Variants in TBC1D22A observed in about 807,000 individuals in gnomAD.
TBC1D22A encodes putative GTPase activator.
TBC1D22A carries 38 observed loss-of-function variants against 60.2 expected under a neutral mutation model. That is an observed-to-expected ratio of 0.63 (90% CI 0.49 to 0.83). The LOEUF is 0.83. Ranked by LOEUF, TBC1D22A falls within the 40% of genes least tolerant of loss-of-function variation. TBC1D22A has a pLI of 0.00. For missense variants in TBC1D22A, 628 were observed against 701.0 expected (o/e 0.90, Z 1.18); for synonymous variants, 302 against 281.7 (o/e 1.07, Z -0.72).
At chr22:47,165,442 C>T (rs943818231) in intron 12 of TBC1D22A, among the ~76,000 whole-genome samples, 21 of 152,258 alleles carry the variant, frequency 1.4e-4, no homozygotes, top group East Asian at 5.8e-4. Context: ...TGGCTCCCCT[C>T]GCCATCGCCA....
intron 11 of TBC1D22A, among the ~76,000 whole-genome samples, chr22:47,081,893 C>T (rs1409018025): frequency 6.6e-6 from 1 of 152,224 alleles, no homozygotes; most frequent in African/African-American, 2.4e-5. Context: ...CATGGTCGCT[C>T]ATGCTTGTAA....
chr22:47,074,820 G>C (rs1010789068), intron 11 of TBC1D22A, among the ~76,000 whole-genome samples: 1 of 152,202 alleles, frequency 6.6e-6, no homozygotes. Flanking sequence ...CCGCAGCCTG[G>C]CTGCGAGGGT....
At chr22:46,798,467 C>T (rs965347274) in intron 4 of TBC1D22A, among the ~76,000 whole-genome samples, 1 of 152,250 alleles carries the variant, frequency 6.6e-6, no homozygotes, top group Non-Finnish European at 1.5e-5. Context: ...TGTGACTCTT[C>T]CTGCGCGAGT....
chr22:46,997,507 A>G (rs534008344), intron 9 of TBC1D22A, 127 bp from the exon 10 acceptor site: 1 of 718,276 alleles, frequency 1.4e-6, no homozygotes, highest in Non-Finnish European at 2.4e-6. Context: ...GTTTCTCGAG[A>G]TAAAATCTCT....
intron 4 of TBC1D22A, among the ~76,000 whole-genome samples, chr22:46,839,928 G>A (rs558245925): frequency 1.3e-5 from 2 of 152,266 alleles, no homozygotes; most frequent in Admixed American, 1.3e-4. Flanking sequence ...TTAACTCACG[G>A]CATATACAAA....
intron 11 of TBC1D22A, among the ~76,000 whole-genome samples, chr22:47,062,086 T>C (rs74372235): frequency 4.4e-5 from 1 of 22,964 alleles, no homozygotes; most frequent in South Asian, 2.2e-3. Flanking sequence ...AGACTCCATC[T>C]CAAAAAAAAA....
At chr22:47,065,623 A>C (rs2063731166) in intron 11 of TBC1D22A, among the ~76,000 whole-genome samples, 2 of 152,272 alleles carry the variant, frequency 1.3e-5, no homozygotes, top group Admixed American at 6.5e-5. Context: ...ACGAGGACTT[A>C]GCAGGCCTCG....
At chr22:46,949,921 G>C (rs1447878362) in intron 8 of TBC1D22A, among the ~76,000 whole-genome samples, 1 of 152,234 alleles carries the variant, frequency 6.6e-6, no homozygotes, top group Non-Finnish European at 1.5e-5. Flanking sequence ...AGCAGCCTGA[G>C]CAGGGGAGGG....
Position 47,069,278 on chromosome 22 carries a change from T to C in TBC1D22A, c.1329+32080T>C, listed in dbSNP as rs1330899888. On this transcript the variant is annotated intron_variant, in intron 11 of 12. Transcript: ENST00000337137. Reference sequence around the variant, plus strand: ...AGCAAAGAATCTGCAGGTTCACATATATTTTTGTTGCAAACATGATCCAAA... The same window carrying C: ...AGCAAAGAATCTGCAGGTTCACATACATTTTTGTTGCAAACATGATCCAAA... Among the ~76,000 whole-genome samples, 3 of 152,262 alleles carry C rather than the reference T, an allele frequency of 2.0e-5. No homozygotes were observed. The East Asian group carries it at 5.8e-4, about 29-fold the overall frequency.
intron 9 of TBC1D22A, among the ~76,000 whole-genome samples, chr22:46,985,270 G>A (rs1253974317): frequency 6.6e-6 from 1 of 152,138 alleles, no homozygotes. Context: ...GCCTGGGGTG[G>A]GGGAATGAAT....
At chr22:47,087,903 A>G (rs867138176) in intron 11 of TBC1D22A, among the ~76,000 whole-genome samples, 3 of 151,912 alleles carry the variant, frequency 2.0e-5, no homozygotes, top group Non-Finnish European at 2.9e-5. Flanking sequence ...GTGAAACCCC[A>G]TCTCTACTAA....
intron 8 of TBC1D22A, among the ~76,000 whole-genome samples, chr22:46,944,915 A>T (rs1484265333): frequency 3.3e-5 from 5 of 152,244 alleles, no homozygotes; most frequent in African/African-American, 1.2e-4. Flanking sequence ...AAAGTTGAAC[A>T]TGTAGATGAT....
At chr22:47,004,607 A>G in intron 10 of TBC1D22A, among the ~76,000 whole-genome samples, 1 of 151,076 alleles carries the variant, frequency 6.6e-6, no homozygotes, top group Non-Finnish European at 1.5e-5. Context: ...CCCCTCATGC[A>G]TACACACCTG....
chr22:47,086,227 G>A (rs1471074887), intron 11 of TBC1D22A, among the ~76,000 whole-genome samples: 2 of 152,192 alleles, frequency 1.3e-5, no homozygotes, highest in African/African-American at 4.8e-5. Context: ...CACTTTGGGA[G>A]GCTGAGGTGG....
At chr22:47,065,142 C>T (rs866227073) in intron 11 of TBC1D22A, among the ~76,000 whole-genome samples, 4 of 152,098 alleles carry the variant, frequency 2.6e-5, no homozygotes, top group South Asian at 2.1e-4. Context: ...ATTACAGGTG[C>T]GTGCCAACAC....
intron 11 of TBC1D22A, among the ~76,000 whole-genome samples, chr22:47,061,535 C>T (rs2063578231): frequency 6.6e-6 from 1 of 152,138 alleles, no homozygotes; most frequent in Non-Finnish European, 1.5e-5. Flanking sequence ...AGGGTGGCTT[C>T]CGATCCCTCA....
intron 8 of TBC1D22A, among the ~76,000 whole-genome samples, chr22:46,943,442 C>T (rs879743202): frequency 2.6e-5 from 4 of 152,208 alleles, no homozygotes; most frequent in African/African-American, 7.2e-5. Context: ...AGGCTTTAAA[C>T]GTTCAACCTT....
chr22:46,953,822 A>G (rs6009068), intron 8 of TBC1D22A, among the ~76,000 whole-genome samples: 28,151 of 152,206 alleles, frequency 0.18, 4,974 homozygotes, highest in African/African-American at 0.47. Flanking sequence ...TACCTCTATC[A>G]GGTGCTTTGT....
chr22:46,847,865 T>G (rs562636171), intron 4 of TBC1D22A, among the ~76,000 whole-genome samples: 5 of 152,026 alleles, frequency 3.3e-5, no homozygotes, highest in Non-Finnish European at 5.9e-5. Flanking sequence ...TCTAAAAACA[T>G]GTAGAGGACC....
Sources: allele counts gnomAD v4.1 joint callset (sites outside exome capture counted in the v4.1 genomes callset), GRCh38; gene constraint gnomAD v4.1.1; transcripts MANE v1.5; gene names NCBI Gene and HGNC (gene_info 2026-07-23, HGNC 2026-07-21).